FRMPD4: variants seen among roughly 807,000 people sequenced by gnomAD.
FRMPD4 encodes the protein FERM and PDZ domain-containing protein 4.
FRMPD4 carries 22 observed loss-of-function variants against 94.1 expected under a neutral mutation model. The observed-to-expected ratio is 0.23, with a 90% confidence interval of 0.17 to 0.33. The LOEUF is 0.33. Among genes scored for constraint, FRMPD4 ranks in the 10% least tolerant of loss-of-function variants. FRMPD4 has a pLI of 1.00. For synonymous variants in FRMPD4, 631 were observed against 548.6 expected (o/e 1.15, Z -2.10); for missense variants, 1,111 against 1,339.9 (o/e 0.83, Z 2.67).
At chrX:12,257,355 C>T (rs1338813593) in intron 1 of FRMPD4, among the ~76,000 whole-genome samples, 1 of 111,539 alleles carries the variant, frequency 9.0e-6, no homozygotes, top group Non-Finnish European at 1.9e-5. Context: ...ATGTGCTTTA[C>T]CCGTTGCTCT....
At chrX:12,133,560 G>T (rs1005304533), upstream of FRMPD4, among the ~76,000 whole-genome samples, 2 of 111,745 alleles carry the variant, frequency 1.8e-5, no homozygotes, top group Non-Finnish European at 3.8e-5. Context: ...AAACTGTTGG[G>T]ATTACAGGCG....
chrX:11,885,107 G>T (rs891800419), intron 3 of FRMPD4, among the ~76,000 whole-genome samples: 1 of 111,999 alleles, frequency 8.9e-6, no homozygotes, highest in Non-Finnish European at 1.9e-5. Flanking sequence ...ATTTATAATA[G>T]CCAAGAGGTA....
At chrX:11,965,959 A>C (rs1465154263) in intron 3 of FRMPD4, among the ~76,000 whole-genome samples, 1 of 111,175 alleles carries the variant, frequency 9.0e-6, no homozygotes, top group African/African-American at 3.3e-5. Flanking sequence ...CGCTTCCTGA[A>C]CTCCTATTTT....
intron 1 of FRMPD4, among the ~76,000 whole-genome samples, chrX:12,402,070 G>A (rs2056614908): frequency 9.0e-6 from 1 of 111,088 alleles, no homozygotes; most frequent in Non-Finnish European, 1.9e-5. Flanking sequence ...TGCTAGGGAA[G>A]TGAGAGTTCA....
chrX:12,045,809 A>G (rs1188122734), intron 3 of FRMPD4, among the ~76,000 whole-genome samples: 1 of 111,646 alleles, frequency 9.0e-6, no homozygotes, highest in Non-Finnish European at 1.9e-5. Flanking sequence ...ACTATATGAG[A>G]CAATGTAAAT....
intron 1 of FRMPD4, among the ~76,000 whole-genome samples, chrX:12,273,726 A>G (rs1261423881): frequency 8.9e-6 from 1 of 112,055 alleles, no homozygotes; most frequent in African/African-American, 3.2e-5. Context: ...TCCCCTGCTA[A>G]GAGCATGAAA....
chrX:11,944,848 C>T (rs1357326979), intron 3 of FRMPD4, among the ~76,000 whole-genome samples: 1 of 112,459 alleles, frequency 8.9e-6, no homozygotes, highest in Admixed American at 9.4e-5. Context: ...CCCTTCCTCT[C>T]CCAGAGCAAA....
At chrX:12,570,840 C>T (rs995718587) in intron 2 of FRMPD4, among the ~76,000 whole-genome samples, 7 of 110,684 alleles carry the variant, frequency 6.3e-5, no homozygotes, top group African/African-American at 2.0e-4. Flanking sequence ...AAGGATAGTT[C>T]TCCAGAGCAC....
chrX:12,037,640 C>T (rs1055515754), intron 3 of FRMPD4, among the ~76,000 whole-genome samples: 1 of 110,531 alleles, frequency 9.0e-6, no homozygotes, highest in Non-Finnish European at 1.9e-5. Flanking sequence ...CAGGTAAACT[C>T]GTATCATGGG....
intron 1 of FRMPD4, among the ~76,000 whole-genome samples, chrX:12,211,574 C>A (rs190311132): frequency 1.8e-3 from 207 of 112,049 alleles, no homozygotes; most frequent in African/African-American, 6.5e-3. Flanking sequence ...GTACAATTAC[C>A]TTCATGTTTT....
At chrX:12,553,827 T>C (rs2058566603) in intron 2 of FRMPD4, among the ~76,000 whole-genome samples, 1 of 111,797 alleles carries the variant, frequency 8.9e-6, no homozygotes, top group South Asian at 3.8e-4. Flanking sequence ...TTATACACAA[T>C]GTGAATTATG....
At chrX:11,913,626 C>T (rs1331097246) in intron 3 of FRMPD4, among the ~76,000 whole-genome samples, 1 of 112,188 alleles carries the variant, frequency 8.9e-6, no homozygotes, top group Non-Finnish European at 1.9e-5. Flanking sequence ...ACATTGGAAG[C>T]ACTGTTTAGT....
At chrX:12,389,814 G>C (rs904455530) in intron 1 of FRMPD4, among the ~76,000 whole-genome samples, 2 of 111,599 alleles carry the variant, frequency 1.8e-5, no homozygotes, top group Non-Finnish European at 3.8e-5. Flanking sequence ...GTACTATCCC[G>C]TATGTTTCCT....
At chrX:12,293,750 A>G (rs1227997390) in intron 1 of FRMPD4, among the ~76,000 whole-genome samples, 5 of 112,457 alleles carry the variant, frequency 4.4e-5, no homozygotes, top group Non-Finnish European at 9.4e-5. Context: ...TTTAAGTTGC[A>G]TGCTGTTGTA....
At chrX:12,471,404 T>C (rs2057510171) in intron 1 of FRMPD4, among the ~76,000 whole-genome samples, 1 of 111,978 alleles carries the variant, frequency 8.9e-6, no homozygotes, top group Non-Finnish European at 1.9e-5. Flanking sequence ...ATACCTGAAG[T>C]GAAACTGATA....
Position 11,877,034 on chromosome X carries a change from C to T in FRMPD4, c.-29-861C>T, listed in dbSNP as rs1051850974. Among the ~76,000 whole-genome samples, 4 of 111,806 alleles carry T rather than the reference C, an allele frequency of 3.6e-5. No individual in the cohort carries two copies. In the Admixed American group the frequency reaches 3.8e-4, roughly 11 times the overall value. On this transcript the variant is annotated intron_variant, in intron 2 of 18. Coordinates refer to the FRMPD4 transcript ENST00000640291. The stretch of plus-strand genomic sequence containing the variant: ...AGTAGCCAGTCCAAAAAGTCAATAA[C>T]GTCAAGGTTGAGAGACCCTGGTCTA...
intron 3 of FRMPD4, among the ~76,000 whole-genome samples, chrX:11,916,415 G>A (rs1407927119): frequency 5.4e-5 from 6 of 111,052 alleles, no homozygotes; most frequent in Admixed American, 4.8e-4. Flanking sequence ...TTTAAGTGGG[G>A]GTCCAGCAGT....
intron 4 of FRMPD4, among the ~76,000 whole-genome samples, chrX:12,639,573 A>G (rs1372003394): frequency 1.8e-5 from 2 of 112,294 alleles, no homozygotes; most frequent in Non-Finnish European, 3.8e-5. Flanking sequence ...TGAAAATTTT[A>G]TACTTATGGA....
At chrX:12,252,437 T>A (rs1362257092) in intron 1 of FRMPD4, among the ~76,000 whole-genome samples, 1 of 112,285 alleles carries the variant, frequency 8.9e-6, no homozygotes, top group Non-Finnish European at 1.9e-5. Context: ...ACACAGAGTA[T>A]GTCCTCAACC....
Sources: gnomAD v4.1 joint callset for allele counts (sites outside exome capture counted in the v4.1 genomes callset) on GRCh38, gnomAD v4.1.1 for gene constraint, MANE v1.5 for transcripts, NCBI Gene and HGNC (gene_info 2026-07-23, HGNC 2026-07-21) for gene names.